Variants in PACS1 observed in about 807,000 individuals in gnomAD.
PACS1 encodes PACS-1.
PACS1 carries 24 observed loss-of-function variants against 115.0 expected under a neutral mutation model. That is an observed-to-expected ratio of 0.21 (90% CI 0.15 to 0.29). PACS1 has a LOEUF of 0.29. Among genes scored for constraint, PACS1 ranks in the 10% least tolerant of loss-of-function variants. The probability of loss-of-function intolerance (pLI) is 1.00; values close to 1 mark genes in which losing one functional copy is unlikely to be tolerated. For missense variants in PACS1, 838 were observed against 1,251.2 expected (o/e 0.67, Z 4.98); for synonymous variants, 453 against 504.5 (o/e 0.90, Z 1.37).
chr11:66,223,367 T>C (rs1190441304), intron 10 of PACS1, among the ~76,000 whole-genome samples: 132 of 150,844 alleles, frequency 8.8e-4, no homozygotes, highest in African/African-American at 2.6e-3. Flanking sequence ...GTGCTGGGAT[T>C]AGAGGCTTGA....
intron 23 of PACS1, 67 bp downstream of exon 23, chr11:66,243,098 T>A: frequency 6.2e-7 from 1 of 1,611,904 alleles, no homozygotes; most frequent in Non-Finnish European, 8.5e-7. Context: ...GGCAATGGCC[T>A]TTCCCAAGGG....
At chr11:66,194,913 A>G (rs1164799504) in intron 2 of PACS1, among the ~76,000 whole-genome samples, 3 of 152,194 alleles carry the variant, frequency 2.0e-5, no homozygotes, top group East Asian at 3.8e-4. Flanking sequence ...TCCCAAATAC[A>G]TAATTTAGTT....
At chr11:66,223,526 G>A (rs1250252974) in intron 10 of PACS1, among the ~76,000 whole-genome samples, 1 of 152,050 alleles carries the variant, frequency 6.6e-6, no homozygotes, top group East Asian at 1.9e-4. Flanking sequence ...ACATGGAACT[G>A]CTGAATGGCC....
At chr11:66,225,923 C>T (rs1045869278) in intron 10 of PACS1, among the ~76,000 whole-genome samples, 1 of 152,168 alleles carries the variant, frequency 6.6e-6, no homozygotes, top group Non-Finnish European at 1.5e-5. Context: ...AATCCCAGCA[C>T]TTTGGGAGGC....
At chr11:66,238,283 G>A in intron 19 of PACS1, 1 of 985,286 alleles carries the variant, frequency 1.0e-6, no homozygotes, top group Non-Finnish European at 1.2e-6. Context: ...CAGAGACAGA[G>A]CCATCTTCCT....
intron 1 of PACS1, among the ~76,000 whole-genome samples, chr11:66,079,244 G>GT (rs1857441851): frequency 6.9e-6 from 1 of 143,998 alleles, no homozygotes; most frequent in African/African-American, 2.6e-5. Context: ...GTGCACTTCT[G>GT]TATCTGTCTG....
chr11:66,191,042 T>C (rs1404801732), intron 1 of PACS1, among the ~76,000 whole-genome samples: 1 of 152,242 alleles, frequency 6.6e-6, no homozygotes, highest in Non-Finnish European at 1.5e-5. Context: ...CTTGCATTTC[T>C]GCAGGTCAGA....
chr11:66,070,793 C>T lies in PACS1; in HGVS notation c.307C>T (p.Leu103=). The T allele has an allele frequency of 6.6e-7, 1 of 1,514,958 alleles. No individual in the cohort carries two copies. Among genetic ancestry groups the T allele is most frequent in the East Asian group, 2.7e-5 (1 of 36,450 alleles). 93.8% of individuals were successfully genotyped at this position (1,514,958 alleles called of 1,614,324 possible). The change falls in exon 1 of 24, where the codon CTG becomes TTG. Residue 103 remains leucine, a synonymous_variant. Coordinates refer to ENST00000320580, the MANE Select transcript of PACS1 (RefSeq NM_018026.4). This position sits in a 1 kb window ranked among gnomAD's most constrained non-coding sequence, Gnocchi z 5.9. ...CACCCCCGCCCCGGTGCAGATGAACCTGTACGCCACCTGGGAGGTGGACCG... is the reference window on the plus strand; with the variant it reads ...CACCCCCGCCCCGGTGCAGATGAACTTGTACGCCACCTGGGAGGTGGACCG... ...GRTPAPVQMN[L]YATWEVDRSS...
In PACS1 at chr11:66,219,731, G is replaced by T. The variant is rs375191312; in HGVS notation, c.979-15G>T. ...TGGACGTTGCTGAGAACTGTCATGC[G>T]ATTTGTCCCTACAGCAACCTAACAT... On this transcript the variant is annotated splice_polypyrimidine_tract_variant and intron_variant, in intron 7 of 23. Coordinates refer to ENST00000320580, the MANE Select transcript of PACS1 (RefSeq NM_018026.4). 1 of 1,610,996 alleles carries T rather than the reference G, an allele frequency of 6.2e-7. No individual in the cohort carries two copies. The highest frequency in any genetic ancestry group is 1.3e-5 in the African/African-American group (1 of 74,954).
intron 1 of PACS1, among the ~76,000 whole-genome samples, chr11:66,134,938 C>T (rs1288795799): frequency 6.6e-6 from 1 of 152,084 alleles, no homozygotes; most frequent in Non-Finnish European, 1.5e-5. Context: ...CAGCCAAGTG[C>T]AGTGGCTCAC....
chr11:66,232,809 C>A (rs1329393648), intron 14 of PACS1, 151 bp from the exon 15 acceptor site: 2 of 659,050 alleles, frequency 3.0e-6, no homozygotes. Context: ...TACTGGCAGT[C>A]CGGAGACCTG....
intron 1 of PACS1, among the ~76,000 whole-genome samples, chr11:66,188,823 A>C (rs1287937188): frequency 6.6e-6 from 1 of 152,214 alleles, no homozygotes; most frequent in African/African-American, 2.4e-5. Flanking sequence ...ATGCGGGTTT[A>C]TGGAGAAATT....
intron 1 of PACS1, among the ~76,000 whole-genome samples, chr11:66,079,308 T>TTTG (rs1361367281): frequency 6.8e-6 from 1 of 147,872 alleles, no homozygotes; most frequent in Admixed American, 6.9e-5. Context: ...AGCAGGTTTT[T>TTTG]TTTTTTTTTT....
chr11:66,123,208 A>G (rs1042473839), intron 1 of PACS1, among the ~76,000 whole-genome samples: 2 of 141,172 alleles, frequency 1.4e-5, no homozygotes, highest in South Asian at 2.2e-4. Flanking sequence ...TTTTTTTTTA[A>G]TGAGACGGAG....
rs1013555653 is a variant in PACS1, at chr11:66,243,090, C to T, written c.2776+59C>T. Reference sequence around the variant, plus strand: ...GAAAGGGACTGGAGAGGGAGGCAGGCAATGGCCTTTCCCAAGGGGCCCTGG... The same window carrying T: ...GAAAGGGACTGGAGAGGGAGGCAGGTAATGGCCTTTCCCAAGGGGCCCTGG... On this transcript the variant is annotated intron_variant, in intron 23 of 23. Coordinates refer to ENST00000320580, the MANE Select transcript of PACS1 (RefSeq NM_018026.4). The T allele has an allele frequency of 2.0e-5, 32 of 1,612,212 alleles. No individual in the cohort carries two copies. In the Middle Eastern group the frequency reaches 6.6e-4, roughly 33 times the overall value.
At chr11:66,115,750 A>G (rs1432626459) in intron 1 of PACS1, among the ~76,000 whole-genome samples, 1 of 152,158 alleles carries the variant, frequency 6.6e-6, no homozygotes, top group Non-Finnish European at 1.5e-5. Flanking sequence ...TTTCTTTCGT[A>G]TTAGCTGACC....
intron 1 of PACS1, among the ~76,000 whole-genome samples, chr11:66,095,553 A>T (rs528588215): frequency 6.6e-6 from 1 of 152,216 alleles, no homozygotes; most frequent in South Asian, 2.1e-4. Context: ...AATCTCCTGG[A>T]TTCAAGTGAT....
chr11:66,234,235 AGT>A lies in PACS1; in HGVS notation c.2100_2101del (p.Ser701ArgfsTer34). ...RDLFSRSEPPVSEQLDVAGRV... is the reference protein window; with the variant it reads ...RDLFSRSEPPXSEQLDVAGRV... ...ATCTGTTCAGTCGCTCGGAGCCACC[AGT>A]GTCAGGTAATGGCCCCGTGTAAGGA... On this transcript the variant is annotated frameshift_variant, in exon 17 of 24. Transcript: ENST00000320580. LOFTEE classifies it high-confidence loss of function. 1 of 1,611,488 alleles carries A rather than the reference AGT, an allele frequency of 6.2e-7. No individual in the cohort carries two copies. Among genetic ancestry groups the A allele is most frequent in the Non-Finnish European group, 8.5e-7 (1 of 1,177,588 alleles).
chr11:66,178,481 A>AT (rs979091507), intron 1 of PACS1, among the ~76,000 whole-genome samples: 1 of 151,900 alleles, frequency 6.6e-6, no homozygotes, highest in African/African-American at 2.4e-5. Context: ...CAGTTTTTTG[A>AT]TTTTTTGCTT....
Sources: gnomAD v4.1 joint callset for allele counts (sites outside exome capture counted in the v4.1 genomes callset) on GRCh38, gnomAD v4.1.1 for gene constraint, Gnocchi (gnomAD v3.1) non-coding constraint, MANE v1.5 for transcripts, NCBI Gene and HGNC (gene_info 2026-07-23, HGNC 2026-07-21) for gene names.